The following CSTF3 variants were observed in gnomAD, a reference collection of about 807,000 sequenced individuals.
CSTF3 encodes cleavage stimulation factor subunit 3, also known as CF-1 77 kDa subunit.
CSTF3 carries 29 observed loss-of-function variants against 105.8 expected under a neutral mutation model. The ratio of observed to expected loss-of-function variants is 0.27; its 90% CI spans 0.20 to 0.37. CSTF3 has a LOEUF of 0.37. Among genes scored for constraint, CSTF3 ranks in the 10% least tolerant of loss-of-function variants. CSTF3 has a pLI of 1.00. For synonymous variants in CSTF3, 252 were observed against 281.9 expected, an observed-to-expected ratio of 0.89 and a Z score of 1.06; for missense variants, 357 against 879.3, an observed-to-expected ratio of 0.41 and a Z score of 7.51.
intron 1 of CSTF3, 152 bp downstream of exon 1, chr11:33,161,147 A>G (rs1849936232): frequency 5.9e-6 from 4 of 674,934 alleles, no homozygotes; most frequent in South Asian, 5.9e-5. Context: ...TAAATCTTAG[A>G]TCTTGCTCCC....
intron 3 of CSTF3, among the ~76,000 whole-genome samples, chr11:33,118,670 C>G (rs746877484): frequency 6.6e-6 from 1 of 151,170 alleles, no homozygotes; most frequent in Non-Finnish European, 1.5e-5. Context: ...AAAATTGAGA[C>G]TAAGAAATGT....
rs1402845615 is a variant in CSTF3 at position 33,084,955 on chromosome 11, T to G, written c.*132A>C. ...TTGGTTTGTTTTTTCTCAAGAACCATGTGATAGAGGCACCAATGACAATAC... is the reference window on the plus strand; with the variant it reads ...TTGGTTTGTTTTTTCTCAAGAACCAGGTGATAGAGGCACCAATGACAATAC... On this transcript the variant is annotated 3_prime_UTR_variant, in exon 21 of 21. Coordinates refer to ENST00000323959, the MANE Select transcript of CSTF3 (RefSeq NM_001326.3). 1.1e-6 allele frequency: 1 copy of G among 948,550 alleles called. No homozygotes were observed. The highest frequency in any genetic ancestry group is 2.1e-5 in the Admixed American group (1 of 47,694). 58.8% of individuals were successfully genotyped at this position (948,550 alleles called of 1,614,324 possible).
At chr11:33,117,676 TG>T (rs1428217451) in intron 3 of CSTF3, among the ~76,000 whole-genome samples, 7 of 151,424 alleles carry the variant, frequency 4.6e-5, no homozygotes, top group Non-Finnish European at 7.4e-5. Flanking sequence ...TATATATATA[TG>T]AGGATGTTCA....
intron 10 of CSTF3, among the ~76,000 whole-genome samples, chr11:33,101,976 G>A (rs911289159): frequency 3.3e-5 from 5 of 152,066 alleles, no homozygotes; most frequent in African/African-American, 7.2e-5. Context: ...GAAATAAAGC[G>A]TTCACTGGAT....
At chr11:33,138,292 C>A (rs1002402510) in intron 3 of CSTF3, among the ~76,000 whole-genome samples, 1 of 151,720 alleles carries the variant, frequency 6.6e-6, no homozygotes, top group Admixed American at 6.6e-5. Flanking sequence ...ACTTCTCTAA[C>A]AATAAGATAT....
At chr11:33,123,468 T>C (rs1271778994) in intron 3 of CSTF3, among the ~76,000 whole-genome samples, 1 of 152,084 alleles carries the variant, frequency 6.6e-6, no homozygotes, top group Non-Finnish European at 1.5e-5. Context: ...AAAATTCAAA[T>C]AAACCCCATA....
At chr11:33,089,385 A>G (rs989982896) in intron 17 of CSTF3, among the ~76,000 whole-genome samples, 2 of 151,940 alleles carry the variant, frequency 1.3e-5, no homozygotes, top group Non-Finnish European at 2.9e-5. Flanking sequence ...TAGGAAAACC[A>G]ATTTTTTTCT....
rs1855087392 is a variant in CSTF3, at chr11:33,084,939, T to A, written c.*148A>T. 2 of 865,980 alleles carry A rather than the reference T, an allele frequency of 2.3e-6. No homozygotes were observed. Among genetic ancestry groups the A allele is most frequent in the Non-Finnish European group, 3.6e-6 (2 of 551,036 alleles). The allele number at this position is 865,980 out of a possible 1,614,324, so 53.6% of individuals were successfully genotyped here. A position where few individuals can be genotyped will look rare whatever the true frequency, so the allele number is the denominator to read the frequency against. On this transcript the variant is annotated 3_prime_UTR_variant, in exon 21 of 21. Coordinates refer to ENST00000323959, the MANE Select transcript of CSTF3 (RefSeq NM_001326.3). ...CTAAAATTCACACAGGTTGGTTTGT[T>A]TTTTCTCAAGAACCATGTGATAGAG...
chr11:33,095,820 A>AG (rs1175672859), intron 15 of CSTF3, among the ~76,000 whole-genome samples: 5 of 9,666 alleles, frequency 5.2e-4, no homozygotes, highest in Non-Finnish European at 1.7e-3. Flanking sequence ...ACTCTGTCTC[A>AG]AATAAATAAA....
Position 33,161,349 on chromosome 11 carries a change from G to C in CSTF3, c.-24C>G, listed in dbSNP as rs1171531166. On this transcript the variant is annotated 5_prime_UTR_variant, in exon 1 of 21. Transcript: ENST00000323959. ...ATGGCCTCAGCTGATTACAACGTGC[G>C]CACTGACCGTCGATGGGAAGCTAGA... is the stretch of plus-strand genomic sequence containing the variant. The C allele has an allele frequency of 1.2e-6, 2 of 1,611,822 alleles. No homozygotes were observed. The highest frequency in any genetic ancestry group is 1.7e-6 in the Non-Finnish European group (2 of 1,179,864).
chr11:33,108,325 T>C, intron 4 of CSTF3, 61 bp downstream of exon 4: 1 of 1,337,478 alleles, frequency 7.5e-7, no homozygotes, highest in Non-Finnish European at 1.0e-6. Flanking sequence ...TACATCTGTC[T>C]TATACATACT....
At chr11:33,086,903 G>C in intron 18 of CSTF3, 85 bp downstream of exon 18, 2 of 1,443,632 alleles carry the variant, frequency 1.4e-6, no homozygotes, top group Non-Finnish European at 1.9e-6. Context: ...ACAATTGAGA[G>C]GCCATGTCAC....
Position 33,099,266 on chromosome 11 carries a change from T to C in CSTF3, c.937-116A>G. ...TTATGTGTCTAAGAAAGCATACATG[T>C]ATGTACACACATATATATGTATCCA... On this transcript the variant is annotated intron_variant, in intron 11 of 20. Coordinates refer to ENST00000323959, the MANE Select transcript of CSTF3 (RefSeq NM_001326.3). This position sits in a 1 kb window ranked among gnomAD's most constrained non-coding sequence, Gnocchi z 4.1. 2 of 1,231,026 alleles carry C rather than the reference T, an allele frequency of 1.6e-6. No individual in the cohort carries two copies. The highest frequency in any genetic ancestry group is 2.2e-6 in the Non-Finnish European group (2 of 891,312). 76.3% of individuals were successfully genotyped at this position (1,231,026 alleles called of 1,614,324 possible).
At chr11:33,139,012 A>G (rs1158742300) in intron 3 of CSTF3, among the ~76,000 whole-genome samples, 3 of 151,940 alleles carry the variant, frequency 2.0e-5, no homozygotes, top group Admixed American at 6.6e-5. Context: ...TTACATAGCT[A>G]AATAGATACT....
chr11:33,122,751 C>CA (rs1162947977), intron 3 of CSTF3, among the ~76,000 whole-genome samples: 1 of 151,060 alleles, frequency 6.6e-6, no homozygotes, highest in Non-Finnish European at 1.5e-5. Flanking sequence ...CCTGTCTCTA[C>CA]AAAAAAATAC....
chr11:33,086,531 G>A (rs1355868524), intron 18 of CSTF3, among the ~76,000 whole-genome samples: 1 of 151,576 alleles, frequency 6.6e-6, no homozygotes, highest in Non-Finnish European at 1.5e-5. Context: ...TCCGCCTCCC[G>A]GGTTCAAGTG....
At chr11:33,137,135 A>G (rs1855663735) in intron 3 of CSTF3, among the ~76,000 whole-genome samples, 1 of 152,012 alleles carries the variant, frequency 6.6e-6, no homozygotes, top group Non-Finnish European at 1.5e-5. Context: ...GGTAAAGAAA[A>G]TGACCATATA....
intron 1 of CSTF3, chr11:33,156,723 T>G (rs1448934792): frequency 2.2e-6 from 1 of 453,936 alleles, no homozygotes; most frequent in South Asian, 1.6e-5. Flanking sequence ...ATCCAACAGT[T>G]TGGAAGGCTG....
chr11:33,158,976 T>A (rs540633223), intron 1 of CSTF3, among the ~76,000 whole-genome samples: 10 of 151,136 alleles, frequency 6.6e-5, no homozygotes, highest in African/African-American at 2.4e-4. Flanking sequence ...TAAATCTAGA[T>A]TGATTCTGGT....
Sources: gnomAD v4.1 joint callset for allele counts (sites outside exome capture counted in the v4.1 genomes callset) on GRCh38, gnomAD v4.1.1 for gene constraint, Gnocchi (gnomAD v3.1) non-coding constraint, MANE v1.5 for transcripts, NCBI Gene and HGNC (gene_info 2026-07-23, HGNC 2026-07-21) for gene names.